The following CNTNAP2 variants were observed in gnomAD, a reference collection of about 807,000 sequenced individuals.
The protein encoded by CNTNAP2 is contactin-associated protein-like 2.
CNTNAP2 carries 98 observed loss-of-function variants against 155.2 expected under a neutral mutation model. That is an observed-to-expected ratio of 0.63 (90% CI 0.54 to 0.75). The LOEUF (loss-of-function observed/expected upper bound fraction) is 0.75, where lower values mean the gene tolerates loss of function less well. Ranked by LOEUF, CNTNAP2 falls within the 30% of genes least tolerant of loss-of-function variation. The probability of loss-of-function intolerance (pLI) is 0.00; values close to 1 mark genes in which losing one functional copy is unlikely to be tolerated. For missense variants in CNTNAP2, 1,727 were observed against 1,688.1 expected (o/e 1.02, Z -0.40); for synonymous variants, 651 against 631.2 (o/e 1.03, Z -0.47).
At chr7:147,541,686 A>C (rs1028082381) in intron 11 of CNTNAP2, among the ~76,000 whole-genome samples, 1 of 152,168 alleles carries the variant, frequency 6.6e-6, no homozygotes, top group Non-Finnish European at 1.5e-5. Flanking sequence ...CTTTGGTTAC[A>C]CTCAATATAT....
Position 146,352,750 on chromosome 7 carries a change from G to GTTTTTTTTTTTTTTTTTTTTTT in CNTNAP2, c.97+235798_97+235799insTTTTTTTTTTTTTTTTTTTTTT, listed in dbSNP as rs531124445. The stretch of plus-strand genomic sequence containing the variant: ...TTATAATTTCAATTAGCATAATTCT[G>GTTTTTTTTTTTTTTTTTTTTTT]TTTTTTTTTTTTTTTTTTTTTCGAG... On this transcript the variant is annotated intron_variant, in intron 1 of 23. Transcript: ENST00000361727. Among the ~76,000 whole-genome samples the GTTTTTTTTTTTTTTTTTTTTTT allele has an allele frequency of 2.6e-4, 17 of 64,312 alleles. 5 individuals carry two copies. The highest frequency in any genetic ancestry group is 9.7e-4 in the East Asian group (2 of 2,058). The allele number at this position is 64,312 out of a possible 152,430, so 42.2% of individuals were successfully genotyped here.
chr7:148,238,845 G>C (rs1178684783), intron 20 of CNTNAP2, among the ~76,000 whole-genome samples: 2 of 152,170 alleles, frequency 1.3e-5, no homozygotes, highest in Non-Finnish European at 2.9e-5. Flanking sequence ...ATTTAAAAAT[G>C]TGTGCCTTTA....
chr7:147,400,011 ACT>A (rs1460087805), intron 10 of CNTNAP2, among the ~76,000 whole-genome samples: 1 of 152,016 alleles, frequency 6.6e-6, no homozygotes, highest in African/African-American at 2.4e-5. Context: ...TTGCATTGTT[ACT>A]CTCTTTTACT....
intron 1 of CNTNAP2, among the ~76,000 whole-genome samples, chr7:146,564,638 AT>A (rs1406612331): frequency 6.7e-6 from 1 of 150,162 alleles, no homozygotes; most frequent in Non-Finnish European, 1.5e-5. Flanking sequence ...AAAAATATGT[AT>A]AAACATATAT....
intron 10 of CNTNAP2, among the ~76,000 whole-genome samples, chr7:147,400,837 T>C (rs1192056950): frequency 6.6e-6 from 1 of 152,216 alleles, no homozygotes; most frequent in East Asian, 1.9e-4. Flanking sequence ...CTAACTTGTA[T>C]GTGAAAAATA....
At chr7:148,013,218 C>T (rs186910361) in intron 15 of CNTNAP2, 3 of 152,290 alleles carry the variant, frequency 2.0e-5, no homozygotes, top group Admixed American at 2.0e-4. Flanking sequence ...GGTATTGTTC[C>T]AGTGTGTTGG....
At chr7:146,322,551 A>G (rs116774245) in intron 1 of CNTNAP2, among the ~76,000 whole-genome samples, 2,683 of 150,538 alleles carry the variant, frequency 0.018, 68 homozygotes, top group African/African-American at 0.062. Flanking sequence ...ACAAATTTAA[A>G]TTTGGGAAAT....
At chr7:147,416,537 C>T (rs1249695955) in intron 10 of CNTNAP2, among the ~76,000 whole-genome samples, 2 of 152,176 alleles carry the variant, frequency 1.3e-5, no homozygotes, top group East Asian at 3.9e-4. Flanking sequence ...CTCCACAGTC[C>T]CCTTTGTTTC....
intron 1 of CNTNAP2, among the ~76,000 whole-genome samples, chr7:146,202,977 A>C (rs1003583857): frequency 6.6e-6 from 1 of 152,104 alleles, no homozygotes; most frequent in East Asian, 1.9e-4. Context: ...TCTCTGATAC[A>C]CTTTAGAGCT....
chr7:147,646,231 C>A (rs1795362215), intron 13 of CNTNAP2, among the ~76,000 whole-genome samples: 1 of 152,090 alleles, frequency 6.6e-6, no homozygotes, highest in Admixed American at 6.5e-5. Flanking sequence ...AAGGGTGACT[C>A]AAGTTTCTGA....
intron 8 of CNTNAP2, among the ~76,000 whole-genome samples, chr7:147,290,804 A>C (rs1805288747): frequency 6.6e-6 from 1 of 152,128 alleles, no homozygotes. Context: ...GCGTTAGCTC[A>C]GTTGGAAACT....
chr7:146,948,533 T>C (rs1797240002), intron 3 of CNTNAP2, among the ~76,000 whole-genome samples: 1 of 152,194 alleles, frequency 6.6e-6, no homozygotes, highest in Non-Finnish European at 1.5e-5. Context: ...ATTTAGGGCC[T>C]AATCAGGAGT....
intron 10 of CNTNAP2, among the ~76,000 whole-genome samples, chr7:147,425,842 C>T (rs887470911): frequency 1.4e-4 from 22 of 152,220 alleles, no homozygotes; most frequent in Middle Eastern, 3.4e-3. Flanking sequence ...CAGTTTAACA[C>T]GGTATTTCCA....
intron 1 of CNTNAP2, among the ~76,000 whole-genome samples, chr7:146,344,093 T>C (rs753117095): frequency 6.6e-6 from 1 of 152,206 alleles, no homozygotes; most frequent in African/African-American, 2.4e-5. Context: ...TGAAAAGCAG[T>C]GTTTTCCTGC....
At chr7:146,542,904 G>T (rs1284934360) in intron 1 of CNTNAP2, among the ~76,000 whole-genome samples, 2 of 151,894 alleles carry the variant, frequency 1.3e-5, no homozygotes, top group African/African-American at 4.8e-5. Flanking sequence ...ATTACCAAAG[G>T]CTGGGAAGAG....
At chr7:147,736,735 T>A (rs1584928696) in intron 13 of CNTNAP2, among the ~76,000 whole-genome samples, 2 of 152,216 alleles carry the variant, frequency 1.3e-5, no homozygotes, top group East Asian at 3.9e-4. Flanking sequence ...TTATTCTTTT[T>A]TCTCTAAACT....
chr7:146,799,348 G>A (rs1216138661), intron 2 of CNTNAP2, among the ~76,000 whole-genome samples: 1 of 152,084 alleles, frequency 6.6e-6, no homozygotes, highest in Non-Finnish European at 1.5e-5. Flanking sequence ...CCTAGGTGAC[G>A]TCTCCTTAAA....
intron 14 of CNTNAP2, among the ~76,000 whole-genome samples, chr7:147,949,588 T>C (rs1800889048): frequency 6.6e-6 from 1 of 152,044 alleles, no homozygotes; most frequent in Non-Finnish European, 1.5e-5. Context: ...TAGTTGGTTG[T>C]TCTCCCGGAA....
intron 1 of CNTNAP2, among the ~76,000 whole-genome samples, chr7:146,428,881 G>T (rs1584921120): frequency 1.3e-5 from 2 of 151,992 alleles, no homozygotes; most frequent in South Asian, 2.1e-4. Flanking sequence ...GTTATAGTTT[G>T]GGGTCTTATA....
Sources: gnomAD v4.1 joint callset for allele counts (sites outside exome capture counted in the v4.1 genomes callset) on GRCh38, gnomAD v4.1.1 for gene constraint, MANE v1.5 for transcripts, NCBI Gene and HGNC (gene_info 2026-07-23, HGNC 2026-07-21) for gene names.